PRDM1: variants seen among roughly 807,000 people sequenced by gnomAD.
PRDM1 encodes PR/SET domain 1, also known as PR domain zinc finger protein 1.
In PRDM1, 13 loss-of-function variants were observed where a neutral mutation model predicts 62.8. The ratio of observed to expected loss-of-function variants is 0.21; its 90% confidence interval spans 0.13 to 0.33. The LOEUF is 0.33. PRDM1 is among the 10% of genes least tolerant of loss of function. The pLI, the probability that PRDM1 is intolerant of heterozygous loss-of-function variation, is 1.00. For missense variants in PRDM1, 895 were observed against 1,058.8 expected (o/e 0.85, Z 2.15); for synonymous variants, 396 against 417.6 (o/e 0.95, Z 0.63).
At chr6:106,088,933 G>A (rs989602207) in intron 2 of PRDM1, among the ~76,000 whole-genome samples, 7 of 152,204 alleles carry the variant, frequency 4.6e-5, no homozygotes, top group Non-Finnish European at 8.8e-5. Flanking sequence ...AAACTTTGAC[G>A]TGTTTATGAA....
At chr6:106,025,890 C>T (rs549490639) in intron 1 of PRDM1, among the ~76,000 whole-genome samples, 1 of 152,148 alleles carries the variant, frequency 6.6e-6, no homozygotes, top group African/African-American at 2.4e-5. Context: ...ATCTCATATA[C>T]AGGGGACTCA....
chr6:106,032,622 G>A lies in PRDM1; in HGVS notation c.-67+38983G>A, dbSNP rs568326920. ...CCAGCTAATTTTTGTATTTTTAGTAGAGATGGGGTTCACCATGTTGGCCAT... is the reference window on the plus strand; with the variant it reads ...CCAGCTAATTTTTGTATTTTTAGTAAAGATGGGGTTCACCATGTTGGCCAT... On this transcript the variant is annotated intron_variant, in intron 1 of 6. Transcript: ENST00000652320. Among the ~76,000 whole-genome samples, 11 of 152,030 alleles carry A rather than the reference G, an allele frequency of 7.2e-5. No individual in the cohort carries two copies. The South Asian group carries it at 2.3e-3, about 32-fold the overall frequency.
At chr6:106,099,686 A>G (rs1582472174) in intron 4 of PRDM1, 134 bp downstream of exon 4, 1 of 1,236,588 alleles carries the variant, frequency 8.1e-7, no homozygotes, top group South Asian at 1.6e-5. Context: ...GCTAGGGACT[A>G]GGAAGAGGAA....
chr6:106,079,310 A>AG (rs1417622933), intron 1 of PRDM1, among the ~76,000 whole-genome samples: 1 of 152,144 alleles, frequency 6.6e-6, no homozygotes, highest in Non-Finnish European at 1.5e-5. Context: ...AGGATCAGTG[A>AG]GGGAAAAAAA....
chr6:106,010,988 T>C (rs1772538292), intron 1 of PRDM1, among the ~76,000 whole-genome samples: 1 of 152,172 alleles, frequency 6.6e-6, no homozygotes, highest in South Asian at 2.1e-4. Context: ...CTGCAGCCAC[T>C]GAGTAGCAGC....
At chr6:106,065,028 T>C (rs1582446763) in intron 1 of PRDM1, among the ~76,000 whole-genome samples, 1 of 152,330 alleles carries the variant, frequency 6.6e-6, no homozygotes, top group East Asian at 1.9e-4. Flanking sequence ...CTGGAATGGC[T>C]GAGGTCTGCC....
intron 4 of PRDM1, 112 bp downstream of exon 4, chr6:106,099,664 TA>T: frequency 1.4e-6 from 2 of 1,438,490 alleles, no homozygotes; most frequent in Non-Finnish European, 1.9e-6. Context: ...TTGGATGAAG[TA>T]GGTGGCTTAA....
chr6:106,025,127 A>C (rs1378593234), intron 1 of PRDM1, among the ~76,000 whole-genome samples: 1 of 152,246 alleles, frequency 6.6e-6, no homozygotes, highest in African/African-American at 2.4e-5. Context: ...TGTCTGAGCA[A>C]TCTAAAGTTA....
At chr6:106,040,139 TG>T (rs1772973782) in intron 1 of PRDM1, among the ~76,000 whole-genome samples, 1 of 152,266 alleles carries the variant, frequency 6.6e-6, no homozygotes, top group Admixed American at 6.5e-5. Flanking sequence ...CTACATGCAC[TG>T]GTTATTATCT....
chr6:106,068,736 C>CA (rs1252107877), intron 1 of PRDM1, among the ~76,000 whole-genome samples: 4 of 152,210 alleles, frequency 2.6e-5, no homozygotes, highest in Non-Finnish European at 4.4e-5. Flanking sequence ...CAAACAGTGA[C>CA]AGCATCATGT....
chr6:106,001,487 G>A (rs914627835), intron 1 of PRDM1, among the ~76,000 whole-genome samples: 8 of 152,100 alleles, frequency 5.3e-5, no homozygotes, highest in Non-Finnish European at 8.8e-5. Context: ...ATAAAATTTT[G>A]TTGAGTCTTT....
At chr6:106,038,983 A>G (rs1027842984) in intron 1 of PRDM1, among the ~76,000 whole-genome samples, 2 of 152,192 alleles carry the variant, frequency 1.3e-5, no homozygotes, top group Non-Finnish European at 2.9e-5. Context: ...TCTTCTAGGT[A>G]TATTTTTAGG....
upstream of PRDM1, among the ~76,000 whole-genome samples, chr6:106,083,257 T>TG (rs577536059): frequency 7.0e-4 from 56 of 80,266 alleles, no homozygotes; most frequent in East Asian, 2.9e-3. Context: ...AAGAAGAGGG[T>TG]GGGGGGGTTA....
intron 1 of PRDM1, among the ~76,000 whole-genome samples, chr6:106,056,651 C>G (rs1444852196): frequency 1.3e-5 from 2 of 152,162 alleles, no homozygotes; most frequent in Non-Finnish European, 2.9e-5. Flanking sequence ...AGGGTGGGAC[C>G]AGATTTTTCT....
chr6:106,099,386 C>T lies in PRDM1; in HGVS notation c.498C>T (p.His166=). 3.1e-6 allele frequency: 5 copies of T among 1,614,204 alleles called. No homozygotes were observed. Among genetic ancestry groups the T allele is most frequent in the Non-Finnish European group, 4.2e-6 (5 of 1,180,036 alleles). ...GGATGCGCTATGTGAATCCAGCACA[C>T]TCTCCCCGGGAGCAAAACCTGGCTG... ...SNWMRYVNPA[H]SPREQNLAAC... is the part of the protein sequence containing the mutation. The change falls in exon 4 of 7, where the codon CAC becomes CAT. Residue 166 remains histidine (H), a synonymous_variant. Coordinates refer to ENST00000369096, the MANE Select transcript of PRDM1 (RefSeq NM_001198.4).
At chr6:106,048,103 C>T (rs749572131), upstream of PRDM1, among the ~76,000 whole-genome samples, 1 of 151,844 alleles carries the variant, frequency 6.6e-6, no homozygotes, top group Non-Finnish European at 1.5e-5. Flanking sequence ...ATAGCATGGG[C>T]CCTGTGTCTG....
intron 1 of PRDM1, among the ~76,000 whole-genome samples, chr6:106,013,916 A>G (rs931130086): frequency 3.9e-5 from 6 of 152,084 alleles, no homozygotes; most frequent in African/African-American, 1.4e-4. Context: ...CTCCTAACAA[A>G]AGGAGCTTCC....
intron 1 of PRDM1, among the ~76,000 whole-genome samples, chr6:106,078,958 CATT>C (rs1194573418): frequency 2.6e-5 from 4 of 151,012 alleles, no homozygotes; most frequent in Non-Finnish European, 4.4e-5. Context: ...TTATTATTAT[CATT>C]ATTATTATTA....
chr6:106,101,121 G>C (rs565113761), intron 4 of PRDM1, among the ~76,000 whole-genome samples: 1 of 152,070 alleles, frequency 6.6e-6, no homozygotes, highest in African/African-American at 2.4e-5. Context: ...CAGAAGAAGC[G>C]CACAGCTCCC....
Sources: allele counts gnomAD v4.1 joint callset (sites outside exome capture counted in the v4.1 genomes callset), GRCh38; gene constraint gnomAD v4.1.1; transcripts MANE v1.5; gene names NCBI Gene and HGNC (gene_info 2026-07-23, HGNC 2026-07-21).